Variants in ENTREP2 observed in about 807,000 individuals in gnomAD.
The protein encoded by ENTREP2 is protein ENTREP2.
At chr15:29,579,326 T>C in the ENTREP2 span, among the ~76,000 whole-genome samples, 5 of 152,172 alleles carry the variant, frequency 3.3e-5, no homozygotes, top group Non-Finnish European at 5.9e-5. Flanking sequence ...CACATTTTTA[T>C]AGCAACAGCA....
the ENTREP2 span, among the ~76,000 whole-genome samples, chr15:29,428,356 G>A: frequency 2.6e-5 from 4 of 152,074 alleles, no homozygotes; most frequent in Non-Finnish European, 5.9e-5. Context: ...TGTTATTACA[G>A]GTGCTCGCCA....
At chr15:29,480,753 C>T in the ENTREP2 span, among the ~76,000 whole-genome samples, 12 of 152,132 alleles carry the variant, frequency 7.9e-5, no homozygotes, top group Non-Finnish European at 1.6e-4. Flanking sequence ...AGGCATTGAA[C>T]ATCCCATTTC....
At chr15:29,134,478 C>G in the ENTREP2 span, among the ~76,000 whole-genome samples, 1 of 152,162 alleles carries the variant, frequency 6.6e-6, no homozygotes. Context: ...GCTGGGGGCT[C>G]ACGGGCCAGC....
chr15:29,407,802 A>C, the ENTREP2 span, among the ~76,000 whole-genome samples: 68 of 152,148 alleles, frequency 4.5e-4, no homozygotes, highest in Non-Finnish European at 9.3e-4. Context: ...AGTAGCTGGG[A>C]CTACAGGCAC....
At chr15:29,629,273 T>C in the ENTREP2 span, among the ~76,000 whole-genome samples, 1 of 152,164 alleles carries the variant, frequency 6.6e-6, no homozygotes, top group African/African-American at 2.4e-5. Context: ...ACTAATTATA[T>C]TTTACAGAGA....
the ENTREP2 span, among the ~76,000 whole-genome samples, chr15:29,580,005 C>T: frequency 3.1e-4 from 47 of 151,828 alleles, 2 homozygotes; most frequent in Admixed American, 2.2e-3. Flanking sequence ...CCACCGCGCC[C>T]GGCCAATTTT....
the ENTREP2 span, among the ~76,000 whole-genome samples, chr15:29,621,615 AAAT>A: frequency 6.7e-6 from 1 of 148,604 alleles, no homozygotes; most frequent in Non-Finnish European, 1.5e-5. Context: ...AAAACCCAGA[AAAT>A]AAGTATTGGT....
At chr15:29,458,298 T>A in the ENTREP2 span, among the ~76,000 whole-genome samples, 5 of 152,318 alleles carry the variant, frequency 3.3e-5, no homozygotes, top group East Asian at 7.7e-4. Flanking sequence ...GGAGGATGCA[T>A]GCCCAAACTG....
chr15:29,181,996 T>A, the ENTREP2 span, among the ~76,000 whole-genome samples: 1 of 151,984 alleles, frequency 6.6e-6, no homozygotes, highest in African/African-American at 2.4e-5. Flanking sequence ...AAATTAAGAA[T>A]CAATGTGAAG....
At chr15:29,187,991 T>C in the ENTREP2 span, among the ~76,000 whole-genome samples, 1 of 152,168 alleles carries the variant, frequency 6.6e-6, no homozygotes, top group Non-Finnish European at 1.5e-5. Flanking sequence ...AGCTCTCACA[T>C]ACTGGTCCAG....
the ENTREP2 span, among the ~76,000 whole-genome samples, chr15:29,561,340 T>C: frequency 6.6e-6 from 1 of 152,204 alleles, no homozygotes; most frequent in Admixed American, 6.5e-5. Flanking sequence ...TATACATACA[T>C]ACATAGGAGA....
the ENTREP2 span, among the ~76,000 whole-genome samples, chr15:29,673,865 T>C: frequency 6.6e-6 from 1 of 151,706 alleles, no homozygotes; most frequent in Non-Finnish European, 1.5e-5. Context: ...TTCACTGTCA[T>C]AGTTGTCTGT....
At chr15:29,475,623 C>G in the ENTREP2 span, among the ~76,000 whole-genome samples, 1 of 152,116 alleles carries the variant, frequency 6.6e-6, no homozygotes. Context: ...ACACCAAGGG[C>G]AGACACATCC....
At chr15:29,547,459 T>C in the ENTREP2 span, among the ~76,000 whole-genome samples, 7,568 of 152,096 alleles carry the variant, frequency 0.05, 596 homozygotes, top group African/African-American at 0.17. Context: ...TATAAAATGG[T>C]CAACAAGCAT....
chr15:29,162,552 T>G, the ENTREP2 span, among the ~76,000 whole-genome samples: 5 of 152,142 alleles, frequency 3.3e-5, no homozygotes, highest in African/African-American at 1.2e-4. Context: ...ACCACTTCTC[T>G]GAAAACCTGC....
chr15:29,216,787 A>G, the ENTREP2 span, among the ~76,000 whole-genome samples: 1 of 152,222 alleles, frequency 6.6e-6, no homozygotes, highest in African/African-American at 2.4e-5. Flanking sequence ...TAAAACATAC[A>G]AAAGTAAAAA....
the ENTREP2 span, among the ~76,000 whole-genome samples, chr15:29,529,207 GGTTGTGAGGGCGTGGAGGGGT>G: frequency 6.8e-6 from 1 of 148,040 alleles, no homozygotes; most frequent in Non-Finnish European, 1.5e-5. Flanking sequence ...ATAAAGGTGG[GGTTGTGAGGGCGTGGAGGGGT>G]GTGTGAGGGT....
At chr15:29,615,815 G>A in the ENTREP2 span, among the ~76,000 whole-genome samples, 2 of 152,124 alleles carry the variant, frequency 1.3e-5, no homozygotes, top group African/African-American at 4.8e-5. Context: ...AAATTAAATG[G>A]GAATTGGAAA....
chr15:29,180,701 AT>A, the ENTREP2 span, among the ~76,000 whole-genome samples: 2 of 152,088 alleles, frequency 1.3e-5, no homozygotes, highest in African/African-American at 4.8e-5. Flanking sequence ...TAAAATAAAA[AT>A]AAAAAAGTAA....
Sources: gnomAD v4.1 joint callset for allele counts (sites outside exome capture counted in the v4.1 genomes callset) on GRCh38, gnomAD v4.1.1 for gene constraint, MANE v1.5 for transcripts, NCBI Gene and HGNC (gene_info 2026-07-23, HGNC 2026-07-21) for gene names.